The following KSR2 variants were observed in gnomAD, a reference collection of about 807,000 sequenced individuals.
The protein encoded by KSR2 is kinase suppressor of ras 2.
Under a neutral mutation model 107.8 loss-of-function variants are expected in KSR2, and 25 were observed. That is an observed-to-expected ratio of 0.23 (90% CI 0.17 to 0.32). KSR2 has a LOEUF of 0.32. Ranked by LOEUF, KSR2 falls within the 10% of genes least tolerant of loss-of-function variation. The pLI is 1.00. For missense variants in KSR2, 887 were observed against 1,268.9 expected, an observed-to-expected ratio of 0.70 and a Z score of 4.57; for synonymous variants, 480 against 507.0, an observed-to-expected ratio of 0.95 and a Z score of 0.71.
chr12:117,872,332 G>A (rs145464498), intron 1 of KSR2, among the ~76,000 whole-genome samples: 1 of 152,264 alleles, frequency 6.6e-6, no homozygotes. Context: ...GTGAGGCTGA[G>A]GCTGGAGGAT....
intron 3 of KSR2, among the ~76,000 whole-genome samples, chr12:117,769,948 G>C (rs1659155798): frequency 6.6e-6 from 1 of 152,104 alleles, no homozygotes; most frequent in Non-Finnish European, 1.5e-5. Flanking sequence ...CAGCTACTCA[G>C]GAGGCTGAGG....
intron 1 of KSR2, among the ~76,000 whole-genome samples, chr12:117,906,600 CCTT>C (rs546775626): frequency 1.0e-3 from 157 of 151,534 alleles, no homozygotes; most frequent in African/African-American, 3.7e-3. Flanking sequence ...GAGCAAAACT[CCTT>C]CTCAAAAAAA....
intron 1 of KSR2, among the ~76,000 whole-genome samples, chr12:117,887,182 C>T (rs1894201993): frequency 6.6e-6 from 1 of 152,168 alleles, no homozygotes; most frequent in African/African-American, 2.4e-5. Flanking sequence ...CTTCAGCCTC[C>T]CAAAGTACTG....
intron 10 of KSR2, among the ~76,000 whole-genome samples, chr12:117,532,692 C>T (rs368224238): frequency 1.3e-5 from 2 of 152,252 alleles, no homozygotes; most frequent in East Asian, 1.9e-4. Context: ...CTAATCTACT[C>T]GCCAGAGGCC....
chr12:117,775,943 G>T (rs1241033622), intron 3 of KSR2, among the ~76,000 whole-genome samples: 3 of 152,178 alleles, frequency 2.0e-5, no homozygotes, highest in African/African-American at 7.2e-5. Context: ...GCGGGGAAAA[G>T]TGGGGAGTGG....
chr12:117,926,759 AG>A (rs1270766611), intron 1 of KSR2, among the ~76,000 whole-genome samples: 3 of 152,180 alleles, frequency 2.0e-5, no homozygotes, highest in Non-Finnish European at 2.9e-5. Flanking sequence ...AAACTCTCCA[AG>A]GGTGGCCTTG....
chr12:117,864,556 C>A (rs1893412191), intron 1 of KSR2, among the ~76,000 whole-genome samples: 1 of 152,148 alleles, frequency 6.6e-6, no homozygotes, highest in South Asian at 2.1e-4. Flanking sequence ...CAAAGTACCA[C>A]AAGTTGGATG....
chr12:117,639,019 G>A (rs1382667003), intron 5 of KSR2, among the ~76,000 whole-genome samples: 1 of 152,090 alleles, frequency 6.6e-6, no homozygotes, highest in African/African-American at 2.4e-5. Flanking sequence ...TGCTTCACAG[G>A]CCACACCCTA....
intron 5 of KSR2, among the ~76,000 whole-genome samples, chr12:117,627,673 T>C (rs183468640): frequency 6.6e-6 from 1 of 152,196 alleles, no homozygotes; most frequent in East Asian, 1.9e-4. Context: ...CTGACAATTA[T>C]GTGTCTTGGG....
chr12:117,845,649 G>A (rs889117559), intron 3 of KSR2, among the ~76,000 whole-genome samples: 12 of 151,714 alleles, frequency 7.9e-5, no homozygotes, highest in Non-Finnish European at 1.2e-4. Context: ...AAATTGAAAT[G>A]CCTTAAAAGC....
chr12:117,682,547 A>G (rs1885411307), intron 4 of KSR2, among the ~76,000 whole-genome samples: 2 of 151,736 alleles, frequency 1.3e-5, no homozygotes, highest in African/African-American at 2.4e-5. Context: ...CCTCCCAAGT[A>G]ACTGGGAATA....
At chr12:117,554,826 A>G (rs1176388104) in intron 9 of KSR2, among the ~76,000 whole-genome samples, 2 of 152,166 alleles carry the variant, frequency 1.3e-5, no homozygotes, top group Non-Finnish European at 2.9e-5. Context: ...GAAACAGACT[A>G]ATACAGATGG....
chr12:117,758,149 G>A (rs536603942), intron 4 of KSR2, among the ~76,000 whole-genome samples: 1 of 152,210 alleles, frequency 6.6e-6, no homozygotes, highest in Admixed American at 6.5e-5. Flanking sequence ...AAGATTCAGA[G>A]AGGTTAAATC....
In KSR2 at chr12:117,820,141, A is replaced by C. The variant is rs192149528; in HGVS notation, c.472+35287T>G. 3.3e-5 allele frequency among the ~76,000 whole-genome samples: 5 copies of C among 152,346 alleles called. No homozygotes were observed. The East Asian group carries it at 9.6e-4, about 29-fold the overall frequency. ...TATCAAAAAGAGAAATGTTACTTTA[A>C]AACAATAACTAGAAGACAGCTAAGG... On this transcript the variant is annotated intron_variant, in intron 3 of 19. Coordinates refer to ENST00000339824, the MANE Select transcript of KSR2 (RefSeq NM_173598.6).
chr12:117,720,871 G>T (rs1483620022), intron 4 of KSR2, among the ~76,000 whole-genome samples: 1 of 152,102 alleles, frequency 6.6e-6, no homozygotes, highest in Non-Finnish European at 1.5e-5. Context: ...CAAAGAAGAG[G>T]CACAGACAAA....
At chr12:117,796,860 C>A (rs1169204439) in intron 3 of KSR2, among the ~76,000 whole-genome samples, 1 of 152,190 alleles carries the variant, frequency 6.6e-6, no homozygotes, top group African/African-American at 2.4e-5. Flanking sequence ...TGCTGCCCAG[C>A]CTCCAAAATG....
At chr12:117,793,475 GCA>G (rs201674332) in intron 3 of KSR2, among the ~76,000 whole-genome samples, 3,715 of 130,254 alleles carry the variant, frequency 0.029, 72 homozygotes, top group Middle Eastern at 0.14. Flanking sequence ...ACACCAACAT[GCA>G]CACTCACATC....
At chr12:117,749,985 C>T (rs947842360) in intron 4 of KSR2, among the ~76,000 whole-genome samples, 1 of 152,144 alleles carries the variant, frequency 6.6e-6, no homozygotes, top group African/African-American at 2.4e-5. Flanking sequence ...CAATGGCTGA[C>T]GCCTGTAATC....
chr12:117,814,732 C>A (rs1346221959), intron 3 of KSR2, among the ~76,000 whole-genome samples: 1 of 152,114 alleles, frequency 6.6e-6, no homozygotes, highest in Non-Finnish European at 1.5e-5. Flanking sequence ...TTGTGCTAAC[C>A]ACAGCAGGAT....
Sources: allele counts gnomAD v4.1 joint callset (sites outside exome capture counted in the v4.1 genomes callset), GRCh38; gene constraint gnomAD v4.1.1; transcripts MANE v1.5; gene names NCBI Gene and HGNC (gene_info 2026-07-23, HGNC 2026-07-21).